The following GLI3 variants were observed in gnomAD, a reference collection of about 807,000 sequenced individuals.
GLI3 encodes GLI family zinc finger 3.
A neutral mutation model predicts 100.8 loss-of-function variants in GLI3; 20 were observed. That is an observed-to-expected ratio of 0.20 (90% CI 0.14 to 0.29). The LOEUF (loss-of-function observed/expected upper bound fraction) is 0.29, where lower values mean the gene tolerates loss of function less well. Among genes scored for constraint, GLI3 ranks in the 10% least tolerant of loss-of-function variants. The probability of loss-of-function intolerance (pLI) is 1.00; values close to 1 mark genes in which losing one functional copy is unlikely to be tolerated. For synonymous variants in GLI3, 938 were observed against 860.5 expected (o/e 1.09, Z -1.58); for missense variants, 2,040 against 2,128.5 (o/e 0.96, Z 0.82).
At chr7:42,228,340 T>C (rs1788626010) in intron 1 of GLI3, among the ~76,000 whole-genome samples, 1 of 151,588 alleles carries the variant, frequency 6.6e-6, no homozygotes, top group Admixed American at 6.6e-5. Flanking sequence ...TGGGAGACAA[T>C]GCATCTCCGC....
chr7:42,191,453 G>C (rs1204900172), intron 2 of GLI3, among the ~76,000 whole-genome samples: 1 of 152,020 alleles, frequency 6.6e-6, no homozygotes, highest in African/African-American at 2.4e-5. Flanking sequence ...GGGAGTTCAA[G>C]GCCAGCCTGA....
intron 3 of GLI3, among the ~76,000 whole-genome samples, chr7:42,112,631 A>T (rs901423896): frequency 3.9e-5 from 6 of 152,206 alleles, no homozygotes; most frequent in African/African-American, 1.2e-4. Context: ...TAACATTAAA[A>T]TTTTTTAAAT....
chr7:41,966,968 C>G lies in GLI3; in HGVS notation c.2432-327G>C, dbSNP rs894422630. On this transcript the variant is annotated intron_variant, in intron 14 of 14. Transcript: ENST00000395925. The surrounding 1 kb of genome is among the most constrained non-coding windows in gnomAD (Gnocchi z 5.8). ...CTCCCTCGATTCACTGAAGCCCCTCCCCAAGCGCTGTGCAAGGACAAAAAG... is the reference window on the plus strand; with the variant it reads ...CTCCCTCGATTCACTGAAGCCCCTCGCCAAGCGCTGTGCAAGGACAAAAAG... Among the ~76,000 whole-genome samples the G allele has an allele frequency of 1.3e-5, 2 of 152,216 alleles. No individual in the cohort carries two copies. The highest frequency in any genetic ancestry group is 4.8e-5 in the African/African-American group (2 of 41,446).
chr7:42,206,203 G>A (rs970877904), intron 2 of GLI3, among the ~76,000 whole-genome samples: 1 of 151,988 alleles, frequency 6.6e-6, no homozygotes, highest in African/African-American at 2.4e-5. Flanking sequence ...GGGAGGTGGA[G>A]GTTGCAGTGA....
chr7:42,263,155 G>A (rs1297650485), intron 1 of GLI3, among the ~76,000 whole-genome samples: 1 of 152,148 alleles, frequency 6.6e-6, no homozygotes, highest in Non-Finnish European at 1.5e-5. Flanking sequence ...CAGCATAGCT[G>A]GTCTCGTGTA....
At chr7:42,177,132 C>G (rs1179474913) in intron 2 of GLI3, among the ~76,000 whole-genome samples, 2 of 152,120 alleles carry the variant, frequency 1.3e-5, no homozygotes, top group Non-Finnish European at 2.9e-5. Context: ...TGAGAGCTTA[C>G]ATGTCCTAGT....
At chr7:42,191,114 C>G (rs1365058671) in intron 2 of GLI3, among the ~76,000 whole-genome samples, 7 of 151,792 alleles carry the variant, frequency 4.6e-5, no homozygotes, top group Admixed American at 3.3e-4. Context: ...TTACATAAAA[C>G]AGAAATACAC....
At position 42,172,818 on chromosome 7, in the gene GLI3, C is replaced by T. The variant is rs552617396; in HGVS notation, c.125-24350G>A. On this transcript the variant is annotated intron_variant, in intron 2 of 14. Coordinates refer to ENST00000395925, the MANE Select transcript of GLI3 (RefSeq NM_000168.6). ...AAGCCATTTATGACTCTCAAAGAGC[C>T]ATTCACCTTCTACCTAATATCACTC... 4 of 572,096 alleles carry T rather than the reference C, an allele frequency of 7.0e-6. No homozygotes were observed. In the African/African-American group the frequency reaches 7.5e-5, roughly 11 times the overall value. 35.4% of individuals were successfully genotyped at this position (572,096 alleles called of 1,614,324 possible).
At chr7:42,175,915 A>G (rs376880310) in intron 2 of GLI3, among the ~76,000 whole-genome samples, 125 of 152,278 alleles carry the variant, frequency 8.2e-4, no homozygotes, top group African/African-American at 2.7e-3. Context: ...ATAGAAGGTA[A>G]GAAACTTCCC....
Position 41,988,149 on chromosome 7 carries a change from C to T in GLI3, c.1498-9401G>A, listed in dbSNP as rs372375486. 3.9e-5 allele frequency among the ~76,000 whole-genome samples: 6 copies of T among 152,136 alleles called. No homozygotes were observed. The East Asian group carries it at 9.6e-4, about 24-fold the overall frequency. On this transcript the variant is annotated intron_variant, in intron 10 of 14. Coordinates refer to ENST00000395925, the MANE Select transcript of GLI3 (RefSeq NM_000168.6). ...AAATCCATATGTTGAAACTTAATCACCAGTGTGGGTGTATTAAGAGATGGG... is the reference window on the plus strand; with the variant it reads ...AAATCCATATGTTGAAACTTAATCATCAGTGTGGGTGTATTAAGAGATGGG...
intron 2 of GLI3, among the ~76,000 whole-genome samples, chr7:42,166,973 A>G (rs1016643291): frequency 6.6e-6 from 1 of 151,984 alleles, no homozygotes; most frequent in Non-Finnish European, 1.5e-5. Context: ...TTACAGGTAC[A>G]TGCCACCACG....
chr7:42,116,964 C>T (rs904057686), intron 3 of GLI3, among the ~76,000 whole-genome samples: 3 of 152,196 alleles, frequency 2.0e-5, no homozygotes, highest in African/African-American at 4.8e-5. Context: ...TTCAGCCATA[C>T]GCAGATATCA....
chr7:42,106,555 G>C (rs537307301), intron 3 of GLI3, among the ~76,000 whole-genome samples: 1 of 152,206 alleles, frequency 6.6e-6, no homozygotes, highest in African/African-American at 2.4e-5. Context: ...GGACAGAAGA[G>C]CTCCTTCTTT....
chr7:42,246,779 G>A (rs1257257897), intron 1 of GLI3, among the ~76,000 whole-genome samples: 1 of 135,220 alleles, frequency 7.4e-6, no homozygotes, highest in Non-Finnish European at 1.6e-5. Flanking sequence ...GTCCTTGGGA[G>A]TTAAAGGCTC....
intron 1 of GLI3, among the ~76,000 whole-genome samples, chr7:42,245,639 C>T (rs1788963355): frequency 6.6e-6 from 1 of 152,020 alleles, no homozygotes; most frequent in African/African-American, 2.4e-5. Context: ...TGAGGTCACA[C>T]CACTGCACTC....
chr7:42,013,744 T>C (rs1385291359), intron 10 of GLI3, among the ~76,000 whole-genome samples: 3 of 152,190 alleles, frequency 2.0e-5, no homozygotes, highest in Admixed American at 1.3e-4. Flanking sequence ...AAAAGCTAAC[T>C]GGCTCTAAAA....
chr7:42,198,165 T>G (rs559083161), intron 2 of GLI3, among the ~76,000 whole-genome samples: 17 of 152,336 alleles, frequency 1.1e-4, no homozygotes, highest in African/African-American at 3.4e-4. Context: ...TTCCAAGCAC[T>G]GAGACACTAT....
chr7:42,079,935 G>A (rs1784964936), intron 3 of GLI3, among the ~76,000 whole-genome samples: 1 of 152,142 alleles, frequency 6.6e-6, no homozygotes, highest in Admixed American at 6.5e-5. Flanking sequence ...TTTTATATGA[G>A]TGTTTATAAT....
At chr7:41,976,349 A>G (rs1313574237) in intron 12 of GLI3, among the ~76,000 whole-genome samples, 5 of 152,226 alleles carry the variant, frequency 3.3e-5, no homozygotes, top group African/African-American at 1.2e-4. Context: ...GTTGGTATAT[A>G]TATGAACTTA....
Sources: gnomAD v4.1 joint callset for allele counts (sites outside exome capture counted in the v4.1 genomes callset) on GRCh38, gnomAD v4.1.1 for gene constraint, Gnocchi (gnomAD v3.1) non-coding constraint, MANE v1.5 for transcripts, NCBI Gene and HGNC (gene_info 2026-07-23, HGNC 2026-07-21) for gene names.